PROZ: variants seen among roughly 807,000 people sequenced by gnomAD.
PROZ encodes protein Z, vitamin K dependent plasma glycoprotein, also known as vitamin K-dependent protein Z.
In PROZ, 46 loss-of-function variants were observed where a neutral mutation model predicts 34.9. The ratio of observed to expected loss-of-function variants is 1.32; its 90% CI spans 1.04 to 1.69. The LOEUF is 1.69. PROZ is among the 40% of genes most tolerant of loss of function. PROZ has a pLI of 0.00. For synonymous variants in PROZ, 195 were observed against 208.5 expected, an observed-to-expected ratio of 0.94 and a Z score of 0.56; for missense variants, 530 against 520.4, an observed-to-expected ratio of 1.02 and a Z score of -0.18.
chr13:113,159,068 G>C lies in PROZ; in HGVS notation c.70+338G>C. ...GCATTGGACGAGGGGAGGGGGTGGG[G>C]CAGGCTGAGCCCAGACTGCAATGTG... On this transcript the variant is annotated intron_variant, in intron 1 of 7. Transcript: ENST00000375547. This position sits in a 1 kb window ranked among gnomAD's most constrained non-coding sequence, Gnocchi z 4.6. 2 of 736,208 alleles carry C rather than the reference G, an allele frequency of 2.7e-6. No homozygotes were observed. The allele number at this position is 736,208 out of a possible 1,614,324, so 45.6% of individuals were successfully genotyped here. A position where few individuals can be genotyped will look rare whatever the true frequency, so the allele number is the denominator to read the frequency against.
chr13:113,172,212 C>T lies in PROZ; in HGVS notation c.*107C>T. 6.8e-7 allele frequency: 1 copy of T among 1,478,792 alleles called. No individual in the cohort carries two copies. The highest frequency in any genetic ancestry group is 9.2e-7 in the Non-Finnish European group (1 of 1,089,768). 91.6% of individuals were successfully genotyped at this position (1,478,792 alleles called of 1,614,324 possible). ...ACTTCATCACACACTGAGAGGCCGTCACAGCCCCAGACCACCCGCTTGGCC... is the reference window on the plus strand; with the variant it reads ...ACTTCATCACACACTGAGAGGCCGTTACAGCCCCAGACCACCCGCTTGGCC... On this transcript the variant is annotated 3_prime_UTR_variant, in exon 8 of 8. Coordinates refer to ENST00000375547, the MANE Select transcript of PROZ (RefSeq NM_003891.3).
intron 3 of PROZ, among the ~76,000 whole-genome samples, chr13:113,161,474 G>A (rs1038308627): frequency 3.2e-4 from 49 of 152,282 alleles, no homozygotes; most frequent in African/African-American, 1.1e-3. Context: ...GGGAGGCCAG[G>A]GTAAGGACCC....
intron 4 of PROZ, 37 bp downstream of exon 4, chr13:113,163,159 C>T (rs777567902): frequency 1.3e-6 from 2 of 1,490,708 alleles, no homozygotes; most frequent in African/African-American, 2.8e-5. Flanking sequence ...CAAGGGCCTC[C>T]CTGGGCAGGT....
intron 6 of PROZ, 123 bp downstream of exon 6, chr13:113,165,243 C>G: frequency 1.1e-6 from 1 of 925,630 alleles, no homozygotes; most frequent in South Asian, 1.4e-5. Flanking sequence ...GGGCTACTGA[C>G]TGCACTGACC....
At chr13:113,170,840 CG>C (rs1195142302) in intron 7 of PROZ, among the ~76,000 whole-genome samples, 1 of 151,920 alleles carries the variant, frequency 6.6e-6, no homozygotes, top group Non-Finnish European at 1.5e-5. Flanking sequence ...GGCTAAAAAT[CG>C]GAAGAATGGG....
chr13:113,171,473 G>A lies in PROZ; in HGVS notation c.692-121G>A, dbSNP rs892424859. On this transcript the variant is annotated intron_variant, in intron 7 of 7. Coordinates refer to ENST00000375547, the MANE Select transcript of PROZ (RefSeq NM_003891.3). This position sits in a 1 kb window ranked among gnomAD's most constrained non-coding sequence, Gnocchi z 5.1. Reference sequence around the variant, plus strand: ...CAGTGTCCACACCACGGGGCGGTGAGCCTGCGGGTCCTCCAGGGCCGGTCT... The same window carrying A: ...CAGTGTCCACACCACGGGGCGGTGAACCTGCGGGTCCTCCAGGGCCGGTCT... The A allele has an allele frequency of 7.9e-6, 10 of 1,268,098 alleles. No homozygotes were observed. Among genetic ancestry groups the A allele is most frequent in the Admixed American group, 2.0e-5 (1 of 50,954 alleles). 78.6% of individuals were successfully genotyped at this position (1,268,098 alleles called of 1,614,324 possible).
At position 113,163,100 on chromosome 13, in the gene PROZ, T is replaced by A. The variant is rs1172263038; in HGVS notation, c.351T>A (p.Tyr117Ter). The A allele has an allele frequency of 1.7e-5, 27 of 1,555,420 alleles. 1 individual carries two copies. The highest frequency in any genetic ancestry group is 2.4e-5 in the Non-Finnish European group (27 of 1,148,894). The change falls in exon 4 of 8, where the codon TAT becomes TAA. Residue 117 changes from tyrosine (Y) to a stop codon, truncating the protein, a stop_gained. Coordinates refer to ENST00000375547, the MANE Select transcript of PROZ (RefSeq NM_003891.3). LOFTEE classifies it high-confidence loss of function. ...WGYTCTCSPG[Y>*]EGSNCELAKN... ...ACACCTGCACCTGCTCCCCCGGCTA[T>A]GAGGGCAGCAACTGCGAGCTGGGTG...
intron 6 of PROZ, among the ~76,000 whole-genome samples, chr13:113,167,617 A>T (rs1467959452): frequency 4.6e-5 from 7 of 152,182 alleles, no homozygotes; most frequent in Admixed American, 4.6e-4. Context: ...AGCATGACTT[A>T]TCTTTTTCCA....
In PROZ at chr13:113,158,752, C is replaced by T; in HGVS notation, c.70+22C>T. On this transcript the variant is annotated intron_variant, in intron 1 of 7. Transcript: ENST00000375547. This position sits in a 1 kb window ranked among gnomAD's most constrained non-coding sequence, Gnocchi z 4.3. The stretch of plus-strand genomic sequence containing the variant: ...TCAGGTAGGCATCTGGCTTACCTGT[C>T]TGTTGTGCCTGTGCTGTGTCTTTCT... 6.3e-7 allele frequency: 1 copy of T among 1,577,054 alleles called. No homozygotes were observed. Among genetic ancestry groups the T allele is most frequent in the Non-Finnish European group, 8.6e-7 (1 of 1,159,482 alleles).
At chr13:113,164,665 G>A (rs200740144) in intron 5 of PROZ, 21 bp downstream of exon 5, 9 of 1,612,662 alleles carry the variant, frequency 5.6e-6, no homozygotes, top group African/African-American at 1.3e-5. Context: ...AGACCACAGC[G>A]GCCTCCAGCT....
At chr13:113,165,598 C>G (rs1370227857) in intron 6 of PROZ, among the ~76,000 whole-genome samples, 1 of 152,068 alleles carries the variant, frequency 6.6e-6, no homozygotes, top group African/African-American at 2.4e-5. Flanking sequence ...TGGTCCAGTC[C>G]CGGCTCACTG....
Position 113,158,673 on chromosome 13 carries a change from G to C in PROZ, c.13G>C (p.Val5Leu). The change falls in exon 1 of 8, where the codon GTC becomes CTC. Residue 5 changes from valine (V) to leucine (L), a missense_variant. Physicochemically the swap from Val to Leu is conservative, Grantham distance 32. Transcript: ENST00000375547. This position sits in a 1 kb window ranked among gnomAD's most constrained non-coding sequence, Gnocchi z 4.3. MAGC[V>L]PLLQGLVLVL... ...GCTCCGGGTGGGAATGGCAGGCTGCGTCCCACTGCTCCAGGGCCTGGTCCT... is the reference window on the plus strand; with the variant it reads ...GCTCCGGGTGGGAATGGCAGGCTGCCTCCCACTGCTCCAGGGCCTGGTCCT... The C allele has an allele frequency of 6.2e-7, 1 of 1,604,744 alleles. No individual in the cohort carries two copies. The highest frequency in any genetic ancestry group is 8.5e-7 in the Non-Finnish European group (1 of 1,176,458).
In PROZ at chr13:113,159,922, G is replaced by A. The variant is rs1409060931; in HGVS notation, c.71-92G>A. 1 of 1,488,964 alleles carries A rather than the reference G, an allele frequency of 6.7e-7. No individual in the cohort carries two copies. Among genetic ancestry groups the A allele is most frequent in the Non-Finnish European group, 9.4e-7 (1 of 1,069,258 alleles). 92.2% of individuals were successfully genotyped at this position (1,488,964 alleles called of 1,614,324 possible). Reference sequence around the variant, plus strand: ...GAGCCTGTGGAGACGGACGGGGCTGGGGCTGGCGGCCGGCCGGGGAGGAAG... The same window carrying A: ...GAGCCTGTGGAGACGGACGGGGCTGAGGCTGGCGGCCGGCCGGGGAGGAAG... On this transcript the variant is annotated intron_variant, in intron 1 of 7. Transcript: ENST00000375547. The surrounding 1 kb of genome is among the most constrained non-coding windows in gnomAD (Gnocchi z 4.6).
rs781675635 is a variant in PROZ, at chr13:113,171,518, C to A, written c.692-76C>A. 1 of 1,594,406 alleles carries A rather than the reference C, an allele frequency of 6.3e-7. No homozygotes were observed. Among genetic ancestry groups the A allele is most frequent in the Non-Finnish European group, 8.6e-7 (1 of 1,168,964 alleles). On this transcript the variant is annotated intron_variant, in intron 7 of 7. Transcript: ENST00000375547. This position sits in a 1 kb window ranked among gnomAD's most constrained non-coding sequence, Gnocchi z 5.1. ...CGGTCTCTCCCTCCTCACGTGGCTCCCTGAGAAGCTCGTTTGAGCATTATG... is the reference window on the plus strand; with the variant it reads ...CGGTCTCTCCCTCCTCACGTGGCTCACTGAGAAGCTCGTTTGAGCATTATG...
At chr13:113,164,981 C>T in intron 5 of PROZ, 72 bp from the exon 6 acceptor site, 4 of 1,427,346 alleles carry the variant, frequency 2.8e-6, no homozygotes, top group Non-Finnish European at 3.9e-6. Flanking sequence ...CAACGGTTAA[C>T]ACCATAGACA....
At chr13:113,163,484 C>T (rs977380569) in intron 4 of PROZ, among the ~76,000 whole-genome samples, 3 of 152,274 alleles carry the variant, frequency 2.0e-5, no homozygotes, top group South Asian at 2.1e-4. Context: ...ACAGGGAAGA[C>T]GCAAAGCACG....
In PROZ at chr13:113,163,120, T is replaced by G. The variant is rs1168066705; in HGVS notation, c.371T>G (p.Leu124Arg). Reference sequence around the variant, plus strand: ...GGCTATGAGGGCAGCAACTGCGAGCTGGGTGAGGCCCCGGCCGTCCCCTTC... The same window carrying G: ...GGCTATGAGGGCAGCAACTGCGAGCGGGGTGAGGCCCCGGCCGTCCCCTTC... ...SPGYEGSNCE[L>R]AKNECHPERT... The change falls in exon 4 of 8, where the codon CTG becomes CGG. Residue 124 changes from leucine (L) to arginine (R), a missense_variant and splice_region_variant. Leu to Arg is a moderately radical substitution (Grantham distance 102). Transcript: ENST00000375547. The G allele has an allele frequency of 6.4e-7, 1 of 1,550,500 alleles. No homozygotes were observed. Among genetic ancestry groups the G allele is most frequent in the Admixed American group, 2.0e-5 (1 of 51,176 alleles).
Position 113,164,694 on chromosome 13 carries a change from G to T in PROZ, c.505+50G>T. On this transcript the variant is annotated intron_variant, in intron 5 of 7. Coordinates refer to ENST00000375547, the MANE Select transcript of PROZ (RefSeq NM_003891.3). ...TCCAGCTTCCAATGCCAGCGACCCC[G>T]TCCACATCCTCCTTCCTTCTGTAGT... 3 of 1,608,328 alleles carry T rather than the reference G, an allele frequency of 1.9e-6. No individual in the cohort carries two copies. In the South Asian group the frequency reaches 3.3e-5, roughly 18 times the overall value.
At chr13:113,160,897 A>T in intron 2 of PROZ, 51 bp from the exon 3 acceptor site, 1 of 1,474,482 alleles carries the variant, frequency 6.8e-7, no homozygotes, top group South Asian at 1.1e-5. Context: ...AGGAAAGAAT[A>T]TAGAAAAACA....
Sources: allele counts gnomAD v4.1 joint callset (sites outside exome capture counted in the v4.1 genomes callset), GRCh38; gene constraint gnomAD v4.1.1; non-coding constraint Gnocchi (gnomAD v3.1); transcripts MANE v1.5; gene names NCBI Gene and HGNC (gene_info 2026-07-23, HGNC 2026-07-21).